The following KHDRBS2 variants were observed in gnomAD, a reference collection of about 807,000 sequenced individuals.
The protein encoded by KHDRBS2 is KH RNA binding domain containing, signal transduction associated 2.
In KHDRBS2, 26 loss-of-function variants were observed where a neutral mutation model predicts 44.3. The observed-to-expected ratio is 0.59, with a 90% CI of 0.43 to 0.81. KHDRBS2 has a LOEUF of 0.81. Among genes scored for constraint, KHDRBS2 ranks in the 40% least tolerant of loss-of-function variants. The pLI, the probability that KHDRBS2 is intolerant of heterozygous loss-of-function variation, is 0.00. For synonymous variants in KHDRBS2, 194 were observed against 151.1 expected (o/e 1.28, Z -2.08); for missense variants, 476 against 433.1 (o/e 1.10, Z -0.88).
At chr6:62,054,748 AG>A (rs1480708941) in intron 2 of KHDRBS2, among the ~76,000 whole-genome samples, 1 of 152,056 alleles carries the variant, frequency 6.6e-6, no homozygotes, top group Admixed American at 6.6e-5. Flanking sequence ...AGCCTCTTAA[AG>A]GAATGCAACC....
At chr6:62,152,850 G>A (rs943284496) in intron 2 of KHDRBS2, among the ~76,000 whole-genome samples, 1 of 152,138 alleles carries the variant, frequency 6.6e-6, no homozygotes, top group African/African-American at 2.4e-5. Context: ...CAACCTCAGG[G>A]ACTATAACTT....
At chr6:61,565,683 G>A in the KHDRBS2 span, among the ~76,000 whole-genome samples, 8 of 152,014 alleles carry the variant, frequency 5.3e-5, no homozygotes. Flanking sequence ...TGTAAAGAAA[G>A]GAGAATGCTT....
intron 3 of KHDRBS2, among the ~76,000 whole-genome samples, chr6:61,991,459 G>A (rs1169580995): frequency 2.0e-5 from 3 of 152,124 alleles, no homozygotes; most frequent in Non-Finnish European, 4.4e-5. Context: ...TTGGAATAGG[G>A]CCCAGGAAGA....
the KHDRBS2 span, among the ~76,000 whole-genome samples, chr6:61,564,835 AG>A: frequency 6.6e-6 from 1 of 152,146 alleles, no homozygotes; most frequent in South Asian, 2.1e-4. Flanking sequence ...TAATGGCCAA[AG>A]CAATCCTCAG....
chr6:61,851,927 C>T (rs765664527), intron 6 of KHDRBS2, among the ~76,000 whole-genome samples: 10 of 152,118 alleles, frequency 6.6e-5, no homozygotes, highest in South Asian at 2.1e-4. Flanking sequence ...CTGAATTAAA[C>T]GAATGTAAAC....
intron 4 of KHDRBS2, among the ~76,000 whole-genome samples, chr6:61,914,091 G>A (rs555182389): frequency 1.3e-5 from 2 of 152,068 alleles, no homozygotes; most frequent in East Asian, 3.9e-4. Context: ...GATTAAAGTA[G>A]GACTAGACTG....
chr6:61,911,281 C>T (rs1583467025), intron 4 of KHDRBS2, among the ~76,000 whole-genome samples: 1 of 152,026 alleles, frequency 6.6e-6, no homozygotes. Context: ...CTAAATAAAT[C>T]GTCCTTTTAT....
intron 2 of KHDRBS2, among the ~76,000 whole-genome samples, chr6:62,116,670 A>G (rs1457358459): frequency 6.6e-6 from 1 of 152,082 alleles, no homozygotes; most frequent in Non-Finnish European, 1.5e-5. Context: ...TTTAACTATC[A>G]TCTCCCTACT....
intron 7 of KHDRBS2, among the ~76,000 whole-genome samples, chr6:61,699,924 G>C (rs933305243): frequency 6.6e-6 from 1 of 151,924 alleles, no homozygotes; most frequent in African/African-American, 2.4e-5. Flanking sequence ...TGAGATTGTA[G>C]AAGGCTAATG....
intron 1 of KHDRBS2, among the ~76,000 whole-genome samples, chr6:62,284,655 T>A (rs1461590198): frequency 1.3e-5 from 2 of 152,176 alleles, no homozygotes; most frequent in Non-Finnish European, 2.9e-5. Context: ...TTTAGTTATT[T>A]CACATGTTCC....
chr6:62,255,726 G>T (rs529978993), intron 1 of KHDRBS2, among the ~76,000 whole-genome samples: 3 of 151,028 alleles, frequency 2.0e-5, no homozygotes, highest in Non-Finnish European at 2.9e-5. Flanking sequence ...TTATATCCTG[G>T]TACTCCATCT....
At chr6:62,082,775 T>C (rs1484423183) in intron 2 of KHDRBS2, among the ~76,000 whole-genome samples, 3 of 152,064 alleles carry the variant, frequency 2.0e-5, no homozygotes, top group Non-Finnish European at 4.4e-5. Context: ...AAAACAGAGA[T>C]TGGCAATGAA....
chr6:62,200,374 C>CA (rs1300177866), intron 1 of KHDRBS2, among the ~76,000 whole-genome samples: 5 of 151,892 alleles, frequency 3.3e-5, no homozygotes, highest in Admixed American at 3.3e-4. Flanking sequence ...ACAATGAACT[C>CA]AAACAAATTT....
intron 1 of KHDRBS2, among the ~76,000 whole-genome samples, chr6:62,202,106 T>G (rs1276363998): frequency 6.6e-6 from 1 of 152,102 alleles, no homozygotes; most frequent in African/African-American, 2.4e-5. Context: ...GGTATAGGAC[T>G]TGTATTTATT....
chr6:61,584,363 C>T, the KHDRBS2 span, among the ~76,000 whole-genome samples: 1 of 151,790 alleles, frequency 6.6e-6, no homozygotes, highest in Non-Finnish European at 1.5e-5. Flanking sequence ...CATGGATGCT[C>T]AAATAGCTTG....
chr6:61,894,955 C>G (rs78603499), intron 5 of KHDRBS2, 122 bp from the exon 6 acceptor site: 1,087 of 635,734 alleles, frequency 1.7e-3, no homozygotes, highest in South Asian at 4.2e-3. Flanking sequence ...CTCTCTCTCT[C>G]TCTGTGTGTG....
chr6:61,570,001 TTATGACAAAA>T, the KHDRBS2 span, among the ~76,000 whole-genome samples: 4 of 152,124 alleles, frequency 2.6e-5, no homozygotes, highest in Middle Eastern at 3.2e-3. Context: ...AATTCTGGTA[TTATGACAAAA>T]CAGGGTTTTA....
At chr6:61,958,466 CATTT>C (rs1488293090) in intron 4 of KHDRBS2, among the ~76,000 whole-genome samples, 2 of 152,124 alleles carry the variant, frequency 1.3e-5, no homozygotes, top group Admixed American at 6.6e-5. Flanking sequence ...TAATTTCATT[CATTT>C]GTGATTGTAA....
the KHDRBS2 span, among the ~76,000 whole-genome samples, chr6:61,555,353 G>T: frequency 6.6e-6 from 1 of 151,926 alleles, no homozygotes; most frequent in Non-Finnish European, 1.5e-5. Context: ...TTTCATCTTT[G>T]TCAGTTCAGT....
Sources: gnomAD v4.1 joint callset for allele counts (sites outside exome capture counted in the v4.1 genomes callset) on GRCh38, gnomAD v4.1.1 for gene constraint, MANE v1.5 for transcripts, NCBI Gene and HGNC (gene_info 2026-07-23, HGNC 2026-07-21) for gene names.